PLA2R1: variants seen among roughly 807,000 people sequenced by gnomAD.
PLA2R1 encodes secretory phospholipase A2 receptor.
A neutral mutation model predicts 195.9 loss-of-function variants in PLA2R1; 158 were observed. That is an observed-to-expected ratio of 0.81 (90% CI 0.71 to 0.92). PLA2R1 has a LOEUF of 0.92. PLA2R1 is among the 40% of genes least tolerant of loss of function. The probability of loss-of-function intolerance (pLI) is 0.00; values close to 1 mark genes in which losing one functional copy is unlikely to be tolerated. For synonymous variants in PLA2R1, 586 were observed against 598.2 expected, an observed-to-expected ratio of 0.98 and a Z score of 0.30; for missense variants, 1,626 against 1,764.6, an observed-to-expected ratio of 0.92 and a Z score of 1.41.
At chr2:159,930,222 C>T (rs1686555476), downstream of PLA2R1, among the ~76,000 whole-genome samples, 1 of 152,080 alleles carries the variant, frequency 6.6e-6, no homozygotes, top group African/African-American at 2.4e-5. Context: ...TCCTGGCTAA[C>T]ACGGTGAAAC....
chr2:160,038,600 G>A (rs190929615), intron 3 of PLA2R1, among the ~76,000 whole-genome samples: 3 of 152,320 alleles, frequency 2.0e-5, no homozygotes, highest in South Asian at 2.1e-4. Flanking sequence ...AAAGGTGAGA[G>A]AGCAGGAAGT....
intron 20 of PLA2R1, among the ~76,000 whole-genome samples, chr2:159,964,198 C>T (rs1156686868): frequency 2.0e-5 from 3 of 152,126 alleles, no homozygotes; most frequent in Non-Finnish European, 2.9e-5. Context: ...GGCACATTCA[C>T]AGGGATAGAG....
chr2:159,957,633 G>A (rs1460333201), intron 20 of PLA2R1, among the ~76,000 whole-genome samples: 1 of 152,180 alleles, frequency 6.6e-6, no homozygotes, highest in Non-Finnish European at 1.5e-5. Flanking sequence ...GATTACAGGT[G>A]TGAGCCACTG....
chr2:159,987,432 G>A, intron 11 of PLA2R1, 74 bp from the exon 12 acceptor site: 1 of 1,040,782 alleles, frequency 9.6e-7, no homozygotes. Context: ...GCTCTTTAGA[G>A]TGTTGAATAA....
chr2:159,931,648 C>A (rs927433875), downstream of PLA2R1, among the ~76,000 whole-genome samples: 2 of 152,156 alleles, frequency 1.3e-5, no homozygotes, highest in African/African-American at 2.4e-5. Flanking sequence ...CAATCTCCCC[C>A]GGCTCAGCCT....
intron 11 of PLA2R1, among the ~76,000 whole-genome samples, chr2:159,990,831 C>G (rs116501595): frequency 1.3e-5 from 2 of 151,538 alleles, no homozygotes; most frequent in African/African-American, 4.9e-5. Context: ...AGGCCACAAA[C>G]GTAGTGGGCT....
At chr2:159,944,414 T>C (rs1042373274) in intron 28 of PLA2R1, among the ~76,000 whole-genome samples, 3 of 152,214 alleles carry the variant, frequency 2.0e-5, no homozygotes, top group African/African-American at 7.2e-5. Context: ...TTGTTTTTTT[T>C]AATTACTAAA....
At chr2:160,009,051 A>AAT (rs1349721934) in intron 10 of PLA2R1, among the ~76,000 whole-genome samples, 1 of 152,218 alleles carries the variant, frequency 6.6e-6, no homozygotes, top group African/African-American at 2.4e-5. Flanking sequence ...ACAACCAGAT[A>AAT]ATAGTAAGCA....
At chr2:159,952,087 A>G (rs1464010906) in intron 23 of PLA2R1, among the ~76,000 whole-genome samples, 1 of 152,270 alleles carries the variant, frequency 6.6e-6, no homozygotes, top group Non-Finnish European at 1.5e-5. Context: ...TAATGTTTGC[A>G]TGTATAAATT....
rs1434297108 is a variant in PLA2R1 at position 160,028,307 on chromosome 2, A to C, written c.1010T>G (p.Met337Arg). The C allele has an allele frequency of 6.2e-7, 1 of 1,608,102 alleles. No individual in the cohort carries two copies. The highest frequency in any genetic ancestry group is 1.7e-5 in the Admixed American group (1 of 59,666). ...ATCCCGACTCCTCCAGGCACTTGGC[A>C]TAAATGAACTAAATGTTCCACAGTG... ...EDHCGTFSSF[M>R]PSAWRSRDCE... is the part of the protein sequence containing the mutation. Residue 337 changes from methionine to arginine, a missense_variant, in exon 6 of 30, where the codon ATG becomes AGG. Coordinates refer to ENST00000283243, the MANE Select transcript of PLA2R1 (RefSeq NM_007366.5).
At chr2:160,028,576 G>A (rs1693665424) in intron 5 of PLA2R1, among the ~76,000 whole-genome samples, 1 of 152,156 alleles carries the variant, frequency 6.6e-6, no homozygotes, top group Non-Finnish European at 1.5e-5. Context: ...TTATCTTAAA[G>A]TAGAGAGATA....
intron 27 of PLA2R1, chr2:159,945,986 CT>C (rs1687362555): frequency 5.2e-5 from 51 of 977,314 alleles, no homozygotes; most frequent in Non-Finnish European, 6.2e-5. Flanking sequence ...CTTTGAAGTC[CT>C]AACATCTTCA....
At chr2:160,043,606 CT>C (rs1694684630) in intron 2 of PLA2R1, among the ~76,000 whole-genome samples, 1 of 152,174 alleles carries the variant, frequency 6.6e-6, no homozygotes, top group African/African-American at 2.4e-5. Flanking sequence ...AGGACATGCC[CT>C]TTTCTTTCAG....
Position 160,005,654 on chromosome 2 carries a change from G to T in PLA2R1, c.1832C>A (p.Pro611Gln). 1 of 1,613,056 alleles carries T rather than the reference G, an allele frequency of 6.2e-7. No individual in the cohort carries two copies. The highest frequency in any genetic ancestry group is 1.3e-5 in the African/African-American group (1 of 75,000). Residue 611 changes from proline to glutamine, a missense_variant and splice_region_variant, in exon 11 of 30, where the codon CCG (proline) becomes CAG (glutamine). By Grantham distance (76) the Pro-to-Gln change is moderately conservative. Coordinates refer to ENST00000283243, the MANE Select transcript of PLA2R1 (RefSeq NM_007366.5). ...VQYTHWNTHQPRYSGGCVAMR... is the reference protein window; with the variant it reads ...VQYTHWNTHQQRYSGGCVAMR... ...GTGATGCAGCACACTCTACTCACGCGGCTGGTGTGTGTTCCAGTGTGTGTA... is the reference window on the plus strand; with the variant it reads ...GTGATGCAGCACACTCTACTCACGCTGCTGGTGTGTGTTCCAGTGTGTGTA...
intron 17 of PLA2R1, among the ~76,000 whole-genome samples, chr2:159,973,626 C>A (rs1180498623): frequency 6.6e-6 from 1 of 152,152 alleles, no homozygotes; most frequent in South Asian, 2.1e-4. Context: ...GAGTTTCCAG[C>A]CTCCAGGACT....
chr2:159,987,355 T>C lies in PLA2R1; in HGVS notation c.1838A>G (p.Tyr613Cys). The change falls in exon 12 of 30, where the codon TAC (tyrosine) becomes TGC (cysteine). Residue 613 changes from tyrosine to cysteine, a missense_variant. By Grantham distance (194) the Tyr-to-Cys change is radical (BLOSUM62 -2). Coordinates refer to ENST00000283243, the MANE Select transcript of PLA2R1 (RefSeq NM_007366.5). ...TCGCATGGCAACACAGCCACCACTG[T>C]AGCCTAAAAGCAGAAAACAAGCATT... ...YTHWNTHQPR[Y>C]SGGCVAMRGR... 1 of 1,609,002 alleles carries C rather than the reference T, an allele frequency of 6.2e-7. No homozygotes were observed. The highest frequency in any genetic ancestry group is 8.5e-7 in the Non-Finnish European group (1 of 1,178,046).
chr2:160,022,454 G>A (rs759796186), intron 7 of PLA2R1, among the ~76,000 whole-genome samples: 5 of 152,072 alleles, frequency 3.3e-5, no homozygotes, highest in Non-Finnish European at 5.9e-5. Flanking sequence ...TCTAATATAT[G>A]TGGCATATAT....
intron 17 of PLA2R1, 69 bp from the exon 18 acceptor site, chr2:159,970,281 T>C: frequency 9.8e-7 from 1 of 1,015,250 alleles, no homozygotes; most frequent in Admixed American, 2.0e-5. Context: ...AGTAATGGGG[T>C]TGCTGCTAAT....
intron 2 of PLA2R1, 127 bp downstream of exon 2, chr2:160,044,647 T>C: frequency 1.3e-6 from 1 of 752,200 alleles, no homozygotes. Flanking sequence ...CTAAAATGTA[T>C]TTAGCAGAAG....
Sources: gnomAD v4.1 joint callset for allele counts (sites outside exome capture counted in the v4.1 genomes callset) on GRCh38, gnomAD v4.1.1 for gene constraint, MANE v1.5 for transcripts, NCBI Gene and HGNC (gene_info 2026-07-23, HGNC 2026-07-21) for gene names.